XRCC4: variants seen among roughly 807,000 people sequenced by gnomAD.
XRCC4 encodes DNA repair protein XRCC4.
Under a neutral mutation model 39.1 loss-of-function variants are expected in XRCC4, and 28 were observed. The observed-to-expected ratio is 0.72, with a 90% CI of 0.53 to 0.98. The LOEUF is 0.98. XRCC4 is among the 50% of genes least tolerant of loss of function. The pLI, the probability that XRCC4 is intolerant of heterozygous loss-of-function variation, is 0.00. For missense variants in XRCC4, 350 were observed against 376.4 expected, an observed-to-expected ratio of 0.93 and a Z score of 0.58; for synonymous variants, 123 against 126.4, an observed-to-expected ratio of 0.97 and a Z score of 0.18.
intron 4 of XRCC4, among the ~76,000 whole-genome samples, chr5:83,198,266 T>C (rs1751034725): frequency 1.3e-5 from 2 of 152,030 alleles, no homozygotes. Context: ...ATACTACATA[T>C]GAAGGGATGG....
intron 7 of XRCC4, among the ~76,000 whole-genome samples, chr5:83,311,681 G>A (rs1199732323): frequency 6.6e-6 from 1 of 151,872 alleles, no homozygotes; most frequent in Admixed American, 6.6e-5. Context: ...GTTTCTCATG[G>A]AGCAAACATC....
At chr5:83,349,628 G>C (rs566052146) in intron 7 of XRCC4, among the ~76,000 whole-genome samples, 3 of 152,064 alleles carry the variant, frequency 2.0e-5, no homozygotes, top group Non-Finnish European at 4.4e-5. Context: ...CCTTCAGTCT[G>C]GTCACTTCAG....
intron 7 of XRCC4, among the ~76,000 whole-genome samples, chr5:83,316,251 G>A (rs1279558228): frequency 6.6e-6 from 1 of 152,012 alleles, no homozygotes; most frequent in Admixed American, 6.6e-5. Context: ...AAAGAAGGTG[G>A]CTTCTTGAAA....
downstream of XRCC4, among the ~76,000 whole-genome samples, chr5:83,357,532 G>A (rs992963309): frequency 1.3e-5 from 2 of 152,174 alleles, no homozygotes; most frequent in Non-Finnish European, 2.9e-5. Flanking sequence ...GGCTGGGTTT[G>A]GGTGGGTACA....
chr5:83,368,906 A>G, the XRCC4 span, among the ~76,000 whole-genome samples: 31 of 152,326 alleles, frequency 2.0e-4, no homozygotes, highest in African/African-American at 7.2e-4. Flanking sequence ...GATAGGTAAC[A>G]GGGAATATTA....
intron 3 of XRCC4, among the ~76,000 whole-genome samples, chr5:83,142,541 A>G (rs1302979057): frequency 6.6e-6 from 1 of 152,250 alleles, no homozygotes; most frequent in Non-Finnish European, 1.5e-5. Flanking sequence ...TATTCCAGGT[A>G]TAAAATTGGG....
chr5:83,192,288 G>A (rs1040427805), intron 3 of XRCC4, among the ~76,000 whole-genome samples: 15 of 136,630 alleles, frequency 1.1e-4, no homozygotes, highest in South Asian at 2.2e-4. Context: ...ATGTATATAC[G>A]TATGTATACG....
intron 3 of XRCC4, among the ~76,000 whole-genome samples, chr5:83,171,121 A>T (rs1261940218): frequency 6.6e-6 from 1 of 151,966 alleles, no homozygotes; most frequent in African/African-American, 2.4e-5. Flanking sequence ...CTTGTATTTT[A>T]ATTTCCCCAC....
intron 1 of XRCC4, among the ~76,000 whole-genome samples, chr5:83,086,512 C>T (rs1315132335): frequency 1.3e-5 from 2 of 152,150 alleles, no homozygotes; most frequent in Non-Finnish European, 2.9e-5. Flanking sequence ...AGTCGATCAT[C>T]ATAAAGGTCT....
intron 3 of XRCC4, among the ~76,000 whole-genome samples, chr5:83,136,909 T>C (rs1747923959): frequency 6.6e-6 from 1 of 152,204 alleles, no homozygotes; most frequent in South Asian, 2.1e-4. Context: ...AATATTGTAC[T>C]GTATTTGAAG....
chr5:83,090,938 T>C (rs1437601161), intron 1 of XRCC4, among the ~76,000 whole-genome samples: 7 of 152,164 alleles, frequency 4.6e-5, no homozygotes, highest in African/African-American at 9.7e-5. Context: ...CAAAGTGATA[T>C]TATGATTTTG....
chr5:83,291,951 C>CTCTGTGTGTG (rs1554072284), intron 7 of XRCC4, among the ~76,000 whole-genome samples: 1 of 143,942 alleles, frequency 6.9e-6, no homozygotes, highest in African/African-American at 2.5e-5. Flanking sequence ...ATGTGTATTT[C>CTCTGTGTGTG]TGTGTGTGTG....
chr5:83,123,822 T>G (rs1286552379), intron 3 of XRCC4, among the ~76,000 whole-genome samples: 1 of 152,158 alleles, frequency 6.6e-6, no homozygotes, highest in African/African-American at 2.4e-5. Context: ...TTTATGAGCT[T>G]ATGCTATTGT....
At chr5:83,116,750 T>C (rs574677746) in intron 3 of XRCC4, among the ~76,000 whole-genome samples, 1 of 151,604 alleles carries the variant, frequency 6.6e-6, no homozygotes, top group South Asian at 2.1e-4. Flanking sequence ...GTCTCCTGAG[T>C]AGCTGGGATT....
Position 83,187,089 on chromosome 5 carries a change from G to A in XRCC4, c.316-8681G>A, listed in dbSNP as rs921203570. 7.0e-3 allele frequency among the ~76,000 whole-genome samples: 749 copies of A among 106,684 alleles called. 232 individuals carry two copies. The highest frequency in any genetic ancestry group is 0.028 in the African/African-American group (697 of 24,822). The allele number at this position is 106,684 out of a possible 152,430, so 70.0% of individuals were successfully genotyped here. ...CTCCCGAGTAGCCGGGACCACAGGCGCCCGCCACCACGCCCGGCTAATTTT... is the reference window on the plus strand; with the variant it reads ...CTCCCGAGTAGCCGGGACCACAGGCACCCGCCACCACGCCCGGCTAATTTT... On this transcript the variant is annotated intron_variant, in intron 3 of 7. Coordinates refer to ENST00000396027, the MANE Select transcript of XRCC4 (RefSeq NM_003401.5).
intron 6 of XRCC4, among the ~76,000 whole-genome samples, chr5:83,222,485 A>G (rs1376278835): frequency 1.3e-5 from 2 of 152,098 alleles, no homozygotes; most frequent in Non-Finnish European, 2.9e-5. Flanking sequence ...CCACATCTTT[A>G]TCTTTTACCT....
chr5:83,322,372 T>A (rs191060720), intron 7 of XRCC4, among the ~76,000 whole-genome samples: 148 of 152,206 alleles, frequency 9.7e-4, no homozygotes, highest in Non-Finnish European at 1.8e-3. Context: ...TATTTATGTT[T>A]TTATCCCCCA....
intron 6 of XRCC4, among the ~76,000 whole-genome samples, chr5:83,228,832 C>T (rs1180061276): frequency 2.0e-5 from 3 of 151,966 alleles, no homozygotes; most frequent in Admixed American, 6.6e-5. Context: ...AGTGATATCC[C>T]GCTTTCCTTT....
At chr5:83,129,115 T>C (rs1489660515) in intron 3 of XRCC4, among the ~76,000 whole-genome samples, 20 of 151,802 alleles carry the variant, frequency 1.3e-4, no homozygotes, top group African/African-American at 3.1e-4. Flanking sequence ...TTAGGTCTAA[T>C]GTTTAAGTCT....
Sources: allele counts gnomAD v4.1 joint callset (sites outside exome capture counted in the v4.1 genomes callset), GRCh38; gene constraint gnomAD v4.1.1; transcripts MANE v1.5; gene names NCBI Gene and HGNC (gene_info 2026-07-23, HGNC 2026-07-21).